NPSR1: variants seen among roughly 807,000 people sequenced by gnomAD.
NPSR1 encodes neuropeptide S receptor.
Under a neutral mutation model 46.9 loss-of-function variants are expected in NPSR1, and 48 were observed. That is an observed-to-expected ratio of 1.02 (90% CI 0.81 to 1.30). The LOEUF (loss-of-function observed/expected upper bound fraction) is 1.30, where lower values mean the gene tolerates loss of function less well. Among genes scored for constraint, NPSR1 ranks in the 50% most tolerant of loss-of-function variants. NPSR1 has a pLI of 0.00. For missense variants in NPSR1, 450 were observed against 449.5 expected (o/e 1.00, Z -0.01); for synonymous variants, 176 against 168.1 (o/e 1.05, Z -0.36).
intron 2 of NPSR1, among the ~76,000 whole-genome samples, chr7:34,716,310 C>T (rs990889782): frequency 2.0e-5 from 3 of 152,264 alleles, no homozygotes; most frequent in Non-Finnish European, 2.9e-5. Context: ...GCAAATAACA[C>T]AGCCCTCCAG....
intron 3 of NPSR1, among the ~76,000 whole-genome samples, chr7:34,784,259 G>A (rs1162435511): frequency 6.6e-6 from 1 of 152,222 alleles, no homozygotes; most frequent in Non-Finnish European, 1.5e-5. Context: ...CCTGTCTTGT[G>A]CCAGTTTTCA....
chr7:34,725,488 C>T (rs1784097947), intron 2 of NPSR1, among the ~76,000 whole-genome samples: 1 of 152,162 alleles, frequency 6.6e-6, no homozygotes, highest in Non-Finnish European at 1.5e-5. Flanking sequence ...CCAGGCTGCA[C>T]ACCTCATAGA....
intron 1 of NPSR1, among the ~76,000 whole-genome samples, chr7:34,665,201 A>T (rs1349269386): frequency 6.6e-6 from 1 of 152,100 alleles, no homozygotes; most frequent in Admixed American, 6.5e-5. Flanking sequence ...ACAAACCCTA[A>T]ATCTCCGTGA....
At chr7:34,791,034 A>ATGT (rs1562730619) in intron 3 of NPSR1, among the ~76,000 whole-genome samples, 1 of 121,558 alleles carries the variant, frequency 8.2e-6, no homozygotes, top group Non-Finnish European at 1.6e-5. Flanking sequence ...TATATGTTAT[A>ATGT]TATTATATTA....
At chr7:34,873,681 G>T (rs1006098758) in intron 8 of NPSR1, among the ~76,000 whole-genome samples, 6 of 151,692 alleles carry the variant, frequency 4.0e-5, no homozygotes, top group Non-Finnish European at 5.9e-5. Flanking sequence ...AGCCATTCAT[G>T]AGGGAGCCAC....
chr7:34,873,296 A>G (rs1290669917), intron 8 of NPSR1, among the ~76,000 whole-genome samples: 1 of 151,726 alleles, frequency 6.6e-6, no homozygotes, highest in Non-Finnish European at 1.5e-5. Context: ...ATCTCTGCCC[A>G]TTACCCAGTT....
At chr7:34,843,804 C>A (rs1449523122) in intron 6 of NPSR1, among the ~76,000 whole-genome samples, 4 of 152,212 alleles carry the variant, frequency 2.6e-5, no homozygotes, top group Admixed American at 6.5e-5. Context: ...TGGAGCACAG[C>A]AGTTTGCCTT....
At chr7:34,805,877 CT>C (rs1788674047) in intron 3 of NPSR1, among the ~76,000 whole-genome samples, 1 of 151,868 alleles carries the variant, frequency 6.6e-6, no homozygotes, top group Non-Finnish European at 1.5e-5. Context: ...GCCAAAAGAT[CT>C]GAATAAACCC....
chr7:34,683,229 G>T (rs1348390658), intron 1 of NPSR1, among the ~76,000 whole-genome samples: 1 of 152,002 alleles, frequency 6.6e-6, no homozygotes, highest in African/African-American at 2.4e-5. Context: ...GGATCACTAG[G>T]TCAGGAGATT....
At chr7:34,794,482 A>C (rs2128745150) in intron 3 of NPSR1, among the ~76,000 whole-genome samples, 1 of 152,280 alleles carries the variant, frequency 6.6e-6, no homozygotes, top group Non-Finnish European at 1.5e-5. Flanking sequence ...GTCTATTATA[A>C]CTCATACAGG....
At chr7:34,873,507 C>A (rs544526132) in intron 8 of NPSR1, among the ~76,000 whole-genome samples, 8 of 151,842 alleles carry the variant, frequency 5.3e-5, no homozygotes, top group Admixed American at 1.3e-4. Flanking sequence ...TCTGGGGAGG[C>A]CTCAGGGAGC....
intron 2 of NPSR1, among the ~76,000 whole-genome samples, chr7:34,757,095 T>C (rs1785903848): frequency 6.6e-6 from 1 of 152,216 alleles, no homozygotes; most frequent in East Asian, 1.9e-4. Flanking sequence ...AGAGCATGCC[T>C]GCTTTTTCTA....
At position 34,684,689 on chromosome 7, in the gene NPSR1, G is replaced by A; in HGVS notation, c.280+5G>A. 6.2e-7 allele frequency: 1 copy of A among 1,607,382 alleles called. No homozygotes were observed. The highest frequency in any genetic ancestry group is 8.5e-7 in the Non-Finnish European group (1 of 1,176,964). On this transcript the variant is annotated splice_donor_5th_base_variant and intron_variant, in intron 2 of 8. Coordinates refer to ENST00000360581, the MANE Select transcript of NPSR1 (RefSeq NM_207172.2). The stretch of plus-strand genomic sequence containing the variant: ...TGACTCAGCTGGCCATCACAGGTAA[G>A]TAACTATGCAAGTGAGAGGCAGGAA...
At chr7:34,750,374 G>A (rs1452615590) in intron 2 of NPSR1, 8 of 739,218 alleles carry the variant, frequency 1.1e-5, no homozygotes, top group Non-Finnish European at 2.0e-5. Context: ...GACAACTTTT[G>A]GTTTCTTTTC....
At chr7:34,785,450 G>A (rs1787421237) in intron 3 of NPSR1, among the ~76,000 whole-genome samples, 1 of 151,008 alleles carries the variant, frequency 6.6e-6, no homozygotes. Context: ...GTTAATGGGT[G>A]CAGCACACCA....
intron 1 of NPSR1, among the ~76,000 whole-genome samples, chr7:34,661,368 C>T (rs1212627672): frequency 1.3e-5 from 2 of 152,282 alleles, no homozygotes; most frequent in Admixed American, 6.5e-5. Flanking sequence ...AGTACCTGGT[C>T]CAGCCCTGGG....
intron 3 of NPSR1, among the ~76,000 whole-genome samples, chr7:34,791,986 A>C (rs1787902283): frequency 6.6e-6 from 1 of 152,182 alleles, no homozygotes. Flanking sequence ...TCTCCTCAAC[A>C]AGGTGTTGGA....
chr7:34,672,998 C>T (rs1792133606), intron 1 of NPSR1, among the ~76,000 whole-genome samples: 1 of 152,184 alleles, frequency 6.6e-6, no homozygotes, highest in African/African-American at 2.4e-5. Flanking sequence ...TCTGTCCTCA[C>T]TAACCTGCAG....
At chr7:34,838,426 GA>G (rs1381962731) in intron 6 of NPSR1, among the ~76,000 whole-genome samples, 1 of 152,174 alleles carries the variant, frequency 6.6e-6, no homozygotes, top group Non-Finnish European at 1.5e-5. Flanking sequence ...GGTATTCTCA[GA>G]AGCTTATATG....
Sources: allele counts gnomAD v4.1 joint callset (sites outside exome capture counted in the v4.1 genomes callset), GRCh38; gene constraint gnomAD v4.1.1; transcripts MANE v1.5; gene names NCBI Gene and HGNC (gene_info 2026-07-23, HGNC 2026-07-21).